The following SRCIN1 variants were observed in gnomAD, a reference collection of about 807,000 sequenced individuals.
SRCIN1 encodes the protein P130Cas-associated protein.
A neutral mutation model predicts 116.2 loss-of-function variants in SRCIN1; 50 were observed. That is an observed-to-expected ratio of 0.43 (90% CI 0.34 to 0.54). The LOEUF is 0.54. Among genes scored for constraint, SRCIN1 ranks in the 20% least tolerant of loss-of-function variants. The probability of loss-of-function intolerance (pLI) is 0.02; values close to 1 mark genes in which losing one functional copy is unlikely to be tolerated. For synonymous variants in SRCIN1, 736 were observed against 750.0 expected, an observed-to-expected ratio of 0.98 and a Z score of 0.30; for missense variants, 1,446 against 1,672.0, an observed-to-expected ratio of 0.86 and a Z score of 2.36.
At chr17:38,569,518 G>C (rs563008871) in intron 2 of SRCIN1, among the ~76,000 whole-genome samples, 197 of 152,276 alleles carry the variant, frequency 1.3e-3, no homozygotes, top group Non-Finnish European at 1.8e-4. Context: ...GAGTCGAGGG[G>C]CACTCCGGCT....
Position 38,604,769 on chromosome 17 carries a change from G to C in SRCIN1, c.22+915C>G, listed in dbSNP as rs1455341059. Among the ~76,000 whole-genome samples, 1 of 152,114 alleles carries C rather than the reference G, an allele frequency of 6.6e-6. No homozygotes were observed. The highest frequency in any genetic ancestry group is 2.4e-5 in the African/African-American group (1 of 41,412). The stretch of plus-strand genomic sequence containing the variant: ...GGCCCGGGAGCTTCTGACGTAGCAG[G>C]GGGGTGCGTGGGAGGGGAGGGGGGG... On this transcript the variant is annotated intron_variant, in intron 1 of 18. Coordinates refer to ENST00000617146, the MANE Select transcript of SRCIN1 (RefSeq NM_025248.3). The surrounding 1 kb of genome is among the most constrained non-coding windows in gnomAD (Gnocchi z 4.3).
At chr17:38,584,535 C>G (rs1406609943) in intron 1 of SRCIN1, among the ~76,000 whole-genome samples, 1 of 152,052 alleles carries the variant, frequency 6.6e-6, no homozygotes, top group Admixed American at 6.6e-5. Context: ...GGGCGCCCCC[C>G]AGTGGCCGGC....
intron 11 of SRCIN1, among the ~76,000 whole-genome samples, chr17:38,553,984 G>A (rs1376382710): frequency 1.3e-5 from 2 of 152,172 alleles, no homozygotes; most frequent in African/African-American, 2.4e-5. Context: ...GGCCGAGGTG[G>A]GCTGATCACC....
At chr17:38,584,909 G>A (rs1298008480) in intron 1 of SRCIN1, among the ~76,000 whole-genome samples, 1 of 152,142 alleles carries the variant, frequency 6.6e-6, no homozygotes, top group African/African-American at 2.4e-5. Context: ...GAAGAACGAA[G>A]CCACCAGCTC....
chr17:38,552,197 T>A lies in SRCIN1; in HGVS notation c.2481-65A>T, dbSNP rs759630931. The A allele has an allele frequency of 7.1e-6, 11 of 1,557,204 alleles. No individual in the cohort carries two copies. The highest frequency in any genetic ancestry group is 8.7e-6 in the Non-Finnish European group (10 of 1,149,540). ...GGTGGTGACCCTTCTGCAGGAAGGCTGCTCTGAGGGAGGTGGGGTGGGAGG... is the reference window on the plus strand; with the variant it reads ...GGTGGTGACCCTTCTGCAGGAAGGCAGCTCTGAGGGAGGTGGGGTGGGAGG... On this transcript the variant is annotated intron_variant, in intron 13 of 18. Transcript: ENST00000617146. The surrounding 1 kb of genome is among the most constrained non-coding windows in gnomAD (Gnocchi z 5.3).
In SRCIN1 at chr17:38,589,321, C is replaced by T. The variant is rs113660621; in HGVS notation, c.23-10530G>A. On this transcript the variant is annotated intron_variant, in intron 1 of 18. Coordinates refer to ENST00000617146, the MANE Select transcript of SRCIN1 (RefSeq NM_025248.3). ...CCCCACTCTGCCACCTTAGATGCCA[C>T]GCAGACAGGGAGAATGTCATGCCAG... Among the ~76,000 whole-genome samples the T allele has an allele frequency of 2.2e-3, 338 of 152,332 alleles. 4 individuals are homozygous for T. The highest frequency in any genetic ancestry group is 7.9e-3 in the African/African-American group (327 of 41,576).
chr17:38,555,547 C>G (rs1905729978), intron 11 of SRCIN1, among the ~76,000 whole-genome samples: 1 of 152,066 alleles, frequency 6.6e-6, no homozygotes, highest in South Asian at 2.1e-4. Flanking sequence ...GGAAGCTACC[C>G]TAATTAATTA....
intron 18 of SRCIN1, chr17:38,543,280 T>C (rs1904862540): frequency 2.2e-6 from 1 of 448,428 alleles, no homozygotes; most frequent in Non-Finnish European, 4.5e-6. Flanking sequence ...GAAAAGCAGA[T>C]GCAAAGTTGG....
chr17:38,595,183 G>A (rs1464433469), intron 1 of SRCIN1, among the ~76,000 whole-genome samples: 2 of 152,132 alleles, frequency 1.3e-5, no homozygotes, highest in Non-Finnish European at 2.9e-5. Flanking sequence ...GCCTAGCCCA[G>A]TGCCTGGCAC....
Position 38,552,602 on chromosome 17 carries a change from G to A in SRCIN1, c.2333-8C>T, listed in dbSNP as rs1188164552. On this transcript the variant is annotated splice_polypyrimidine_tract_variant and splice_region_variant and intron_variant, in intron 12 of 18. Transcript: ENST00000617146. This position sits in a 1 kb window ranked among gnomAD's most constrained non-coding sequence, Gnocchi z 5.3. Reference sequence around the variant, plus strand: ...GCAGGCCCGGGAAGTGAGCTGAGGAGACAGGAAGGCATGAGCTGGGGCCAG... The same window carrying A: ...GCAGGCCCGGGAAGTGAGCTGAGGAAACAGGAAGGCATGAGCTGGGGCCAG... The A allele has an allele frequency of 3.1e-6, 5 of 1,612,442 alleles. No individual in the cohort carries two copies. In the Admixed American group the frequency reaches 6.7e-5, roughly 22 times the overall value.
intron 18 of SRCIN1, among the ~76,000 whole-genome samples, chr17:38,536,521 C>T (rs73302695): frequency 0.025 from 3,814 of 152,320 alleles, 165 homozygotes; most frequent in African/African-American, 0.086. Context: ...GGATCAGAGC[C>T]GGCCACCTGC....
In SRCIN1 at chr17:38,604,372, C is replaced by T. The variant is rs1909230751; in HGVS notation, c.22+1312G>A. ...AACCCCCACCCCCAGCTCGGGGAGC[C>T]CACTTTCCTTAAAGTTGGGGTGCTG... On this transcript the variant is annotated intron_variant, in intron 1 of 18. Transcript: ENST00000617146. The surrounding 1 kb of genome is among the most constrained non-coding windows in gnomAD (Gnocchi z 4.3). 3.2e-6 allele frequency: 1 copy of T among 317,240 alleles called. No individual in the cohort carries two copies. The highest frequency in any genetic ancestry group is 6.3e-6 in the Non-Finnish European group (1 of 159,748). 19.7% of individuals were successfully genotyped at this position (317,240 alleles called of 1,614,324 possible).
intron 1 of SRCIN1, among the ~76,000 whole-genome samples, chr17:38,592,186 C>T (rs943527229): frequency 6.6e-6 from 1 of 152,222 alleles, no homozygotes; most frequent in East Asian, 1.9e-4. Context: ...ATTCTGGTGT[C>T]TCATCAGACA....
intron 1 of SRCIN1, among the ~76,000 whole-genome samples, chr17:38,581,426 GAAA>G (rs1907803679): frequency 9.1e-6 from 1 of 109,578 alleles, no homozygotes; most frequent in Non-Finnish European, 1.9e-5. Context: ...AAAGAAAAAA[GAAA>G]AAAGAAAAAA....
Position 38,568,208 on chromosome 17 carries a change from G to A in SRCIN1, c.345+3C>T. The A allele has an allele frequency of 6.2e-7, 1 of 1,613,268 alleles. No homozygotes were observed. Among genetic ancestry groups the A allele is most frequent in the Non-Finnish European group, 8.5e-7 (1 of 1,179,680 alleles). On this transcript the variant is annotated splice_donor_region_variant and intron_variant, in intron 3 of 18. Coordinates refer to ENST00000617146, the MANE Select transcript of SRCIN1 (RefSeq NM_025248.3). The surrounding 1 kb of genome is among the most constrained non-coding windows in gnomAD (Gnocchi z 4.5). Reference sequence around the variant, plus strand: ...CATGGGAGCAGAGGCATCACACACTGACCTTGAAACTCCAGTAGTTTGGCT... The same window carrying A: ...CATGGGAGCAGAGGCATCACACACTAACCTTGAAACTCCAGTAGTTTGGCT...
Position 38,562,209 on chromosome 17 carries a change from GGACGGCAGCCCC to G in SRCIN1, c.942_953del (p.Pro317_Leu320del), listed in dbSNP as rs1473879552. The G allele has an allele frequency of 9.8e-6, 14 of 1,426,952 alleles. No individual in the cohort carries two copies. The highest frequency in any genetic ancestry group is 2.0e-4 in the Middle Eastern group (1 of 5,006). The allele number at this position is 1,426,952 out of a possible 1,614,324, so 88.4% of individuals were successfully genotyped here. On this transcript the variant is annotated inframe_deletion, in exon 7 of 19. Coordinates refer to ENST00000617146, the MANE Select transcript of SRCIN1 (RefSeq NM_025248.3). The surrounding 1 kb of genome is among the most constrained non-coding windows in gnomAD (Gnocchi z 4.2). ...GCGACGGCGAACCGGACTGCAGCCC[GGACGGCAGCCCC>G]GACGGCAGCCCGGGCGGCGGCGAGC...
chr17:38,584,108 G>A (rs1197481068), intron 1 of SRCIN1, among the ~76,000 whole-genome samples: 2 of 152,196 alleles, frequency 1.3e-5, no homozygotes, highest in Admixed American at 1.3e-4. Flanking sequence ...GACCCGGGCT[G>A]GGGTCTTAAG....
intron 1 of SRCIN1, among the ~76,000 whole-genome samples, chr17:38,599,618 G>A (rs1445361438): frequency 1.3e-5 from 2 of 152,176 alleles, no homozygotes; most frequent in Non-Finnish European, 2.9e-5. Context: ...ATCTAACCTC[G>A]ATTCCTCCTA....
rs1906343743 is a variant in SRCIN1 at position 38,562,549 on chromosome 17, A to C, written c.835-221T>G. ...GCACCAGAGGGGTAACCCTCAGCTC[A>C]GCTACCGTGAGGGGTGGGAAGTAGA... is the stretch of plus-strand genomic sequence containing the variant. On this transcript the variant is annotated intron_variant, in intron 6 of 18. Coordinates refer to ENST00000617146, the MANE Select transcript of SRCIN1 (RefSeq NM_025248.3). The surrounding 1 kb of genome is among the most constrained non-coding windows in gnomAD (Gnocchi z 4.2). Among the ~76,000 whole-genome samples the C allele has an allele frequency of 6.6e-6, 1 of 152,232 alleles. No homozygotes were observed. The highest frequency in any genetic ancestry group is 1.5e-5 in the Non-Finnish European group (1 of 68,026).
Sources: allele counts gnomAD v4.1 joint callset (sites outside exome capture counted in the v4.1 genomes callset), GRCh38; gene constraint gnomAD v4.1.1; non-coding constraint Gnocchi (gnomAD v3.1); transcripts MANE v1.5; gene names NCBI Gene and HGNC (gene_info 2026-07-23, HGNC 2026-07-21).